Variants in DRC8 observed in about 807,000 individuals in gnomAD.
DRC8 encodes dynein regulatory complex subunit 8.
chr1:245,004,936 A>G, the DRC8 span, among the ~76,000 whole-genome samples: 1 of 152,250 alleles, frequency 6.6e-6, no homozygotes, highest in East Asian at 1.9e-4. Context: ...TGTACACATA[A>G]TGTGCTATGA....
the DRC8 span, among the ~76,000 whole-genome samples, chr1:245,114,128 C>T: frequency 1.3e-5 from 2 of 152,188 alleles, no homozygotes; most frequent in Non-Finnish European, 2.9e-5. Context: ...AACTCCCTTA[C>T]TGGTAGCTTA....
At chr1:245,050,461 C>T in the DRC8 span, among the ~76,000 whole-genome samples, 1 of 152,126 alleles carries the variant, frequency 6.6e-6, no homozygotes, top group Non-Finnish European at 1.5e-5. Flanking sequence ...TCCTATATTT[C>T]CCTAGTGCTG....
the DRC8 span, among the ~76,000 whole-genome samples, chr1:244,971,376 G>A: frequency 6.6e-6 from 1 of 152,230 alleles, no homozygotes; most frequent in Admixed American, 6.5e-5. Flanking sequence ...GCTTAAGGTC[G>A]CCAGTTCGGA....
At chr1:245,040,366 T>G in the DRC8 span, among the ~76,000 whole-genome samples, 1 of 152,198 alleles carries the variant, frequency 6.6e-6, no homozygotes, top group Non-Finnish European at 1.5e-5. Context: ...CTGCCACTAC[T>G]TTTCACCTTG....
the DRC8 span, among the ~76,000 whole-genome samples, chr1:245,117,107 C>G: frequency 6.6e-6 from 1 of 152,184 alleles, no homozygotes; most frequent in African/African-American, 2.4e-5. Flanking sequence ...GGCTGGAGGG[C>G]AGTGGTACAA....
chr1:244,990,831 T>TCTA, the DRC8 span, among the ~76,000 whole-genome samples: 20 of 151,318 alleles, frequency 1.3e-4, no homozygotes, highest in Admixed American at 1.2e-3. Flanking sequence ...TTTTTGTACT[T>TCTA]CTACTACTAC....
the DRC8 span, among the ~76,000 whole-genome samples, chr1:244,981,244 C>T: frequency 6.6e-6 from 1 of 151,870 alleles, no homozygotes; most frequent in African/African-American, 2.4e-5. Flanking sequence ...TGACTAGGAT[C>T]AGAACTCTGG....
the DRC8 span, among the ~76,000 whole-genome samples, chr1:245,092,303 G>A: frequency 1.3e-5 from 2 of 152,188 alleles, no homozygotes; most frequent in Admixed American, 6.5e-5. Context: ...ACGACTGTTC[G>A]TTAAGGGCAG....
At chr1:245,000,080 G>C in the DRC8 span, among the ~76,000 whole-genome samples, 1 of 152,162 alleles carries the variant, frequency 6.6e-6, no homozygotes, top group Non-Finnish European at 1.5e-5. Context: ...CAGCCTCCCA[G>C]GGTGCTGGGA....
chr1:245,076,968 G>A, the DRC8 span, among the ~76,000 whole-genome samples: 9 of 152,084 alleles, frequency 5.9e-5, no homozygotes, highest in South Asian at 6.2e-4. Context: ...CTCGTGATCC[G>A]CCCACCTTAG....
chr1:245,013,160 C>CAAAA, the DRC8 span, among the ~76,000 whole-genome samples: 122,350 of 151,768 alleles, frequency 0.81, 49,445 homozygotes, highest in East Asian at 1. Context: ...AACAAACAAA[C>CAAAA]AAACCACAGT....
At chr1:245,094,426 G>A in the DRC8 span, among the ~76,000 whole-genome samples, 1 of 152,162 alleles carries the variant, frequency 6.6e-6, no homozygotes, top group African/African-American at 2.4e-5. Flanking sequence ...CCACCTGTAC[G>A]GTTAGTGATT....
the DRC8 span, among the ~76,000 whole-genome samples, chr1:245,013,081 A>G: frequency 6.6e-6 from 1 of 152,220 alleles, no homozygotes; most frequent in Non-Finnish European, 1.5e-5. Flanking sequence ...TTTCACTTTG[A>G]ATCACATCAA....
chr1:245,015,965 CTTTTTTTTTTTTT>C, the DRC8 span, among the ~76,000 whole-genome samples: 256 of 57,236 alleles, frequency 4.5e-3, 1 homozygote, highest in African/African-American at 0.011. Flanking sequence ...GCCTACAGGG[CTTTTTTTTTTTTT>C]TTTTTTTTTT....
chr1:244,973,000 G>GAAATAGTCTATT, the DRC8 span, among the ~76,000 whole-genome samples: 8 of 152,008 alleles, frequency 5.3e-5, no homozygotes, highest in Non-Finnish European at 8.8e-5. Context: ...TCTTTTTATG[G>GAAATAGTCTATT]AAATAGTCTA....
the DRC8 span, among the ~76,000 whole-genome samples, chr1:245,057,838 T>C: frequency 1.1e-4 from 17 of 152,034 alleles, no homozygotes; most frequent in Non-Finnish European, 2.1e-4. Flanking sequence ...ATAGAATAAA[T>C]TGTTCACTCT....
At chr1:245,123,871 G>A in the DRC8 span, 35 of 152,060 alleles carry the variant, frequency 2.3e-4, no homozygotes, top group East Asian at 6.2e-3. The surrounding 1 kb of genome is among the most constrained non-coding windows in gnomAD (Gnocchi z 5.0). Flanking sequence ...GTTAACCACT[G>A]TTTTTAAGCC....
At chr1:245,044,951 A>C in the DRC8 span, among the ~76,000 whole-genome samples, 1 of 151,730 alleles carries the variant, frequency 6.6e-6, no homozygotes, top group African/African-American at 2.4e-5. Flanking sequence ...CAATAATTTA[A>C]ATTCTTTAAT....
At chr1:245,086,423 T>G in the DRC8 span, among the ~76,000 whole-genome samples, 5 of 152,202 alleles carry the variant, frequency 3.3e-5, no homozygotes, top group East Asian at 9.6e-4. Flanking sequence ...TATAACAATA[T>G]GGATTCAAGC....
Sources: gnomAD v4.1 joint callset for allele counts (sites outside exome capture counted in the v4.1 genomes callset) on GRCh38, gnomAD v4.1.1 for gene constraint, Gnocchi (gnomAD v3.1) non-coding constraint, MANE v1.5 for transcripts, NCBI Gene and HGNC (gene_info 2026-07-23, HGNC 2026-07-21) for gene names.